PKHD1: variants seen among roughly 807,000 people sequenced by gnomAD.
The protein encoded by PKHD1 is PKHD1 ciliary IPT domain containing fibrocystin/polyductin.
In PKHD1, 291 loss-of-function variants were observed where a neutral mutation model predicts 412.0. The observed-to-expected ratio is 0.71, with a 90% CI of 0.64 to 0.78. The LOEUF is 0.78. Among genes scored for constraint, PKHD1 ranks in the 30% least tolerant of loss-of-function variants. The probability of loss-of-function intolerance (pLI) is 0.00; values close to 1 mark genes in which losing one functional copy is unlikely to be tolerated. For synonymous variants in PKHD1, 1,777 were observed against 1,821.5 expected (o/e 0.98, Z 0.62); for missense variants, 4,825 against 4,950.7 (o/e 0.97, Z 0.76).
At chr6:51,783,353 T>C (rs1202365611) in intron 53 of PKHD1, among the ~76,000 whole-genome samples, 3 of 149,804 alleles carry the variant, frequency 2.0e-5, no homozygotes, top group African/African-American at 4.9e-5. Flanking sequence ...ACAAATAAAT[T>C]TTATAAAATT....
rs1057516594 is a variant in PKHD1 at position 52,025,688 on chromosome 6, TC to T, written c.4121del (p.Gly1374AspfsTer14). ...YPLQVRQKQM[G>X]FANMSVVLQQ... ...GGAGCACCACAGACATATTAGCAAA[TC>T]CCATCTGCTTCTGACGTACTTGGAG... On this transcript the variant is annotated frameshift_variant, in exon 32 of 67. Transcript: ENST00000371117. LOFTEE classifies it high-confidence loss of function. 2 of 1,614,120 alleles carry T rather than the reference TC, an allele frequency of 1.2e-6. No individual in the cohort carries two copies. The highest frequency in any genetic ancestry group is 1.7e-6 in the Non-Finnish European group (2 of 1,180,016).
chr6:51,737,279 T>TC (rs1281829278), intron 60 of PKHD1, among the ~76,000 whole-genome samples: 4 of 152,216 alleles, frequency 2.6e-5, no homozygotes, highest in African/African-American at 9.6e-5. Flanking sequence ...CGTGAGTTTA[T>TC]ATTTTTAATA....
chr6:52,035,641 T>A lies in PKHD1; in HGVS notation c.3178A>T (p.Asn1060Tyr). The A allele has an allele frequency of 6.8e-6, 11 of 1,613,980 alleles. No homozygotes were observed. The highest frequency in any genetic ancestry group is 8.5e-6 in the Non-Finnish European group (10 of 1,179,908). ...ILFGSYSCAINVATSNSSRIQ... is the reference protein window; with the variant it reads ...ILFGSYSCAIYVATSNSSRIQ... ...CTGCTTGAATTGCTTGTAGCGACATTGATGGCACACGAGTAAGATCCAAAT... is the reference window on the plus strand; with the variant it reads ...CTGCTTGAATTGCTTGTAGCGACATAGATGGCACACGAGTAAGATCCAAAT... Residue 1060 changes from asparagine to tyrosine, a missense_variant, in exon 28 of 67, where the codon AAT becomes TAT. Physicochemically the swap from Asn to Tyr is moderately radical, Grantham distance 143. Transcript: ENST00000371117.
intron 4 of PKHD1, 120 bp from the exon 5 acceptor site, chr6:52,080,128 C>T: frequency 1.4e-6 from 1 of 711,662 alleles, no homozygotes. Context: ...CCAAGGATTC[C>T]CAGCAGTCAC....
chr6:52,010,988 A>C (rs1156737018), intron 34 of PKHD1, among the ~76,000 whole-genome samples: 1 of 152,110 alleles, frequency 6.6e-6, no homozygotes, highest in African/African-American at 2.4e-5. Flanking sequence ...TAGGCTTGCA[A>C]TTCCCCCTTC....
At chr6:51,937,856 A>G (rs969420119) in intron 36 of PKHD1, among the ~76,000 whole-genome samples, 1 of 152,118 alleles carries the variant, frequency 6.6e-6, no homozygotes, top group Non-Finnish European at 1.5e-5. Flanking sequence ...GGCTATCATC[A>G]CACTCACCAT....
At chr6:52,061,280 C>A (rs1315339339) in intron 14 of PKHD1, among the ~76,000 whole-genome samples, 2 of 152,114 alleles carry the variant, frequency 1.3e-5, no homozygotes, top group Admixed American at 1.3e-4. Context: ...AGCCCTAACT[C>A]CTGAGCTCAA....
rs199568593 is a variant in PKHD1, at chr6:52,046,089, A to G, written c.2507T>C (p.Val836Ala). ...GTAGCAAGTGTATAGATCCTCCTTC[A>G]CAGTGAAGTCACTGGCATTGAGGTA... The part of the protein sequence containing the change: ...SRYLNASDFT[V>A]KEDLYTCYEH... The change falls in exon 24 of 67, where the codon GTG becomes GCG. Residue 836 changes from valine to alanine, a missense_variant. Val to Ala is a moderately conservative substitution (Grantham distance 64). Coordinates refer to ENST00000371117, the MANE Select transcript of PKHD1 (RefSeq NM_138694.4). The G allele has an allele frequency of 1.1e-4, 176 of 1,613,562 alleles. 1 individual carries two copies. The East Asian group carries it at 3.9e-3, about 36-fold the overall frequency.
At chr6:52,032,293 C>T (rs907084002) in intron 29 of PKHD1, among the ~76,000 whole-genome samples, 1 of 152,150 alleles carries the variant, frequency 6.6e-6, no homozygotes, top group Non-Finnish European at 1.5e-5. Flanking sequence ...TGTTATCTGG[C>T]ATTCAGTTCA....
At chr6:51,970,397 G>A (rs1032527688) in intron 35 of PKHD1, among the ~76,000 whole-genome samples, 4 of 152,122 alleles carry the variant, frequency 2.6e-5, no homozygotes, top group Admixed American at 2.0e-4. Flanking sequence ...CTGTTCTGCA[G>A]GTTATCTGTT....
At position 51,744,512 on chromosome 6, in the gene PKHD1, T is replaced by C. The variant is rs1218903519; in HGVS notation, c.10029A>G (p.Glu3343=). The change falls in exon 60 of 67, where the codon GAA becomes GAG. Residue 3343 remains glutamate (E), a synonymous_variant. Coordinates refer to ENST00000371117, the MANE Select transcript of PKHD1 (RefSeq NM_138694.4). ...RKDLGKVVCP[E]LDCASPRKYL... is the part of the protein sequence containing the mutation. ...ATTTTCTTGGACTTGCACAGTCTAA[T>C]TCAGGACAGACTACTTTTCCTAAAT... The C allele has an allele frequency of 1.2e-6, 2 of 1,613,442 alleles. No individual in the cohort carries two copies. Among genetic ancestry groups the C allele is most frequent in the Non-Finnish European group, 8.5e-7 (1 of 1,179,374 alleles).
chr6:52,056,998 A>G lies in PKHD1; in HGVS notation c.1513-19T>C, dbSNP rs756280113. ...TCAGCACCTAAAAAAGTCAAGACAG[A>G]CAAGACTAAATGATGGTGCTAATTA... is the stretch of plus-strand genomic sequence containing the variant. On this transcript the variant is annotated intron_variant, in intron 16 of 66. Coordinates refer to ENST00000371117, the MANE Select transcript of PKHD1 (RefSeq NM_138694.4). 114 of 1,529,348 alleles carry G rather than the reference A, an allele frequency of 7.5e-5. No homozygotes were observed. The highest frequency in any genetic ancestry group is 9.5e-5 in the Non-Finnish European group (105 of 1,102,824). The allele number at this position is 1,529,348 out of a possible 1,614,324, so 94.7% of individuals were successfully genotyped here.
chr6:51,864,488 G>A (rs1774721773), intron 48 of PKHD1, among the ~76,000 whole-genome samples: 1 of 152,134 alleles, frequency 6.6e-6, no homozygotes, highest in Non-Finnish European at 1.5e-5. Flanking sequence ...ATTTATTAAG[G>A]AGGAAAATTG....
chr6:51,924,148 C>T (rs868808119), intron 37 of PKHD1, among the ~76,000 whole-genome samples: 9 of 152,114 alleles, frequency 5.9e-5, no homozygotes, highest in Middle Eastern at 3.4e-3. Flanking sequence ...CATGACCAGG[C>T]TGAAAGCAAT....
At chr6:51,705,572 C>T (rs1779924016) in intron 60 of PKHD1, among the ~76,000 whole-genome samples, 1 of 152,104 alleles carries the variant, frequency 6.6e-6, no homozygotes, top group African/African-American at 2.4e-5. Context: ...CCACGATACA[C>T]CTGCAATGCC....
At chr6:51,981,931 G>T (rs1253834508) in intron 35 of PKHD1, among the ~76,000 whole-genome samples, 1 of 84,644 alleles carries the variant, frequency 1.2e-5, no homozygotes, top group African/African-American at 3.3e-5. Flanking sequence ...CTGCCCGGCC[G>T]CCCATCGTCT....
At chr6:52,069,403 G>A in intron 11 of PKHD1, 54 bp downstream of exon 11, 2 of 1,272,114 alleles carry the variant, frequency 1.6e-6, no homozygotes, top group Non-Finnish European at 2.3e-6. Context: ...GGAAGGAGGG[G>A]CCAACATTGA....
intron 50 of PKHD1, 41 bp downstream of exon 50, chr6:51,847,734 G>T (rs1393595938): frequency 1.5e-6 from 2 of 1,371,960 alleles, no homozygotes; most frequent in African/African-American, 1.4e-5. Flanking sequence ...GGTGATTTCT[G>T]ACTATGTGCT....
At chr6:52,051,549 G>A (rs954475955) in intron 21 of PKHD1, among the ~76,000 whole-genome samples, 4 of 152,078 alleles carry the variant, frequency 2.6e-5, no homozygotes, top group African/African-American at 9.7e-5. Flanking sequence ...TCTTGTCTCC[G>A]CCCTCTCCCT....
Sources: allele counts gnomAD v4.1 joint callset (sites outside exome capture counted in the v4.1 genomes callset), GRCh38; gene constraint gnomAD v4.1.1; transcripts MANE v1.5; gene names NCBI Gene and HGNC (gene_info 2026-07-23, HGNC 2026-07-21).